The following TRPV2 variants were observed in gnomAD, a reference collection of about 807,000 sequenced individuals.
TRPV2 encodes OTRPC2.
A neutral mutation model predicts 91.0 loss-of-function variants in TRPV2; 58 were observed. The observed-to-expected ratio is 0.64, with a 90% confidence interval of 0.52 to 0.79. TRPV2 has a LOEUF of 0.79. TRPV2 is among the 30% of genes least tolerant of loss of function. TRPV2 has a pLI of 0.00. For missense variants in TRPV2, 807 were observed against 969.6 expected, an observed-to-expected ratio of 0.83 and a Z score of 2.23; for synonymous variants, 417 against 414.8, an observed-to-expected ratio of 1.01 and a Z score of -0.06.
At chr17:16,419,780 T>C (rs1385098783) in intron 2 of TRPV2, among the ~76,000 whole-genome samples, 4 of 152,192 alleles carry the variant, frequency 2.6e-5, no homozygotes, top group Admixed American at 2.0e-4. Context: ...TGGTGTGTGC[T>C]GAAGGGGACC....
At chr17:16,432,548 C>T (rs1297601176) in intron 12 of TRPV2, among the ~76,000 whole-genome samples, 1 of 151,636 alleles carries the variant, frequency 6.6e-6, no homozygotes. Context: ...TCAAGTGATC[C>T]TCCTTCCTCA....
chr17:16,426,341 T>C lies in TRPV2; in HGVS notation c.1095+72T>C. The C allele has an allele frequency of 6.4e-7, 1 of 1,559,082 alleles. No individual in the cohort carries two copies. The highest frequency in any genetic ancestry group is 1.2e-5 in the South Asian group (1 of 85,916). On this transcript the variant is annotated intron_variant, in intron 6 of 14. Transcript: ENST00000338560. The surrounding 1 kb of genome is among the most constrained non-coding windows in gnomAD (Gnocchi z 6.0). ...TCCAGCAAGGTCCACAAATTGGGGCTGCCTGCTGGACCATATCTGCCCCAT... is the reference window on the plus strand; with the variant it reads ...TCCAGCAAGGTCCACAAATTGGGGCCGCCTGCTGGACCATATCTGCCCCAT...
At chr17:16,433,527 C>T (rs1396201228) in intron 12 of TRPV2, 47 bp from the exon 13 acceptor site, 2 of 1,603,450 alleles carry the variant, frequency 1.2e-6, no homozygotes, top group African/African-American at 1.3e-5. Context: ...CCTTTGCCCC[C>T]AGGCAGGGTC....
In TRPV2 at chr17:16,436,909, G is replaced by C; in HGVS notation, c.*20G>C. The C allele has an allele frequency of 6.3e-7, 1 of 1,596,146 alleles. No individual in the cohort carries two copies. Among genetic ancestry groups the C allele is most frequent in the Non-Finnish European group, 8.6e-7 (1 of 1,163,604 alleles). On this transcript the variant is annotated 3_prime_UTR_variant, in exon 15 of 15. Coordinates refer to ENST00000338560, the MANE Select transcript of TRPV2 (RefSeq NM_016113.5). The stretch of plus-strand genomic sequence containing the variant: ...AACTGATGGCCCAGATGCAGCAGGA[G>C]GCCAGAGGACAGAGCAGAGGATCTT...
At chr17:16,422,322 C>CAAAAAAAAAA (rs5819570) in intron 3 of TRPV2, among the ~76,000 whole-genome samples, 3 of 92,742 alleles carry the variant, frequency 3.2e-5, no homozygotes, top group Admixed American at 1.2e-4. Context: ...GACTCTGTCT[C>CAAAAAAAAAA]AAAAAAAAAA....
At chr17:16,422,910 T>C in intron 4 of TRPV2, 21 bp downstream of exon 4, 1 of 1,550,476 alleles carries the variant, frequency 6.4e-7, no homozygotes, top group East Asian at 2.4e-5. Context: ...CTTTCTTGGA[T>C]AAATCGAGGC....
Position 16,422,724 on chromosome 17 carries a change from GC to G in TRPV2, c.463del (p.Gln155SerfsTer25). The G allele has an allele frequency of 6.2e-7, 1 of 1,601,482 alleles. No individual in the cohort carries two copies. The highest frequency in any genetic ancestry group is 8.5e-7 in the Non-Finnish European group (1 of 1,173,380). ...TGGCAATCCTCAGCCCCTGGTAAAT[GC>G]CCAGTGCACAGATGACTATTACCGA... ...DSGNPQPLVN[A>X]QCTDDYYRGH... On this transcript the variant is annotated frameshift_variant, in exon 4 of 15. Coordinates refer to ENST00000338560, the MANE Select transcript of TRPV2 (RefSeq NM_016113.5). LOFTEE classifies it high-confidence loss of function.
intron 2 of TRPV2, among the ~76,000 whole-genome samples, chr17:16,419,894 G>T (rs1436935301): frequency 6.6e-6 from 1 of 152,224 alleles, no homozygotes; most frequent in African/African-American, 2.4e-5. Flanking sequence ...TCATGGGGAT[G>T]AAGCAGCTTA....
chr17:16,431,947 C>G lies in TRPV2; in HGVS notation c.1655-19C>G. On this transcript the variant is annotated intron_variant, in intron 11 of 14. Transcript: ENST00000338560. ...CACCGGTCTCCTGGGCTAAGGACCC[C>G]TCTCCCTTCATCCCATAGCCCTGGT... 5 of 1,609,884 alleles carry G rather than the reference C, an allele frequency of 3.1e-6. No individual in the cohort carries two copies. Among genetic ancestry groups the G allele is most frequent in the Non-Finnish European group, 4.2e-6 (5 of 1,177,468 alleles).
Position 16,436,825 on chromosome 17 carries a change from A to G in TRPV2, c.2231A>G (p.Lys744Arg). 1.2e-6 allele frequency: 2 copies of G among 1,614,048 alleles called. No individual in the cohort carries two copies. Among genetic ancestry groups the G allele is most frequent in the Non-Finnish European group, 1.7e-6 (2 of 1,179,958 alleles). The change falls in exon 15 of 15, where the codon AAG (lysine) becomes AGG (arginine). Residue 744 changes from lysine to arginine, a missense_variant. Physicochemically the swap from Lys to Arg is conservative, Grantham distance 26. Coordinates refer to ENST00000338560, the MANE Select transcript of TRPV2 (RefSeq NM_016113.5). ...LENPVLASPP[K>R]EDEDGASEEN... ...AACCCTGTCCTGGCTTCCCCTCCCA[A>G]GGAGGATGAGGATGGTGCCTCTGAG...
intron 7 of TRPV2, 65 bp from the exon 8 acceptor site, chr17:16,427,384 C>T: frequency 1.3e-6 from 2 of 1,506,826 alleles, no homozygotes; most frequent in Non-Finnish European, 1.8e-6. Context: ...TCAGCTTCAG[C>T]TCTGAAGGGT....
chr17:16,429,861 G>A (rs575301643), intron 10 of TRPV2, among the ~76,000 whole-genome samples: 16 of 151,172 alleles, frequency 1.1e-4, no homozygotes, highest in Admixed American at 2.6e-4. Context: ...CACCTAACAT[G>A]GAACTTTTTT....
In TRPV2 at chr17:16,433,620, GGAA is replaced by G; in HGVS notation, c.2041_2043del (p.Lys681del). On this transcript the variant is annotated inframe_deletion, in exon 13 of 15. Transcript: ENST00000338560. ...ATGGAGAATGGCTATTGGTGGTGCAGGAAGAAGCAGCGGGCAGGTGTGATGCTG... is the reference window on the plus strand; with the variant it reads ...ATGGAGAATGGCTATTGGTGGTGCAGGAAGCAGCGGGCAGGTGTGATGCTG... The G allele has an allele frequency of 6.2e-7, 1 of 1,614,194 alleles. No individual in the cohort carries two copies. Among genetic ancestry groups the G allele is most frequent in the Non-Finnish European group, 8.5e-7 (1 of 1,180,038 alleles).
Position 16,417,698 on chromosome 17 carries a change from C to T in TRPV2, c.30C>T (p.Phe10=). 6.2e-7 allele frequency: 1 copy of T among 1,614,184 alleles called. No homozygotes were observed. Among genetic ancestry groups the T allele is most frequent in the Non-Finnish European group, 8.5e-7 (1 of 1,180,026 alleles). ...CCTCACCCTCCAGCTCTCCAGTTTT[C>T]AGGTTGGAGACATTAGATGGAGGCC... MTSPSSSPV[F]RLETLDGGQE... The change falls in exon 2 of 15, where the codon TTC becomes TTT. Residue 10 remains phenylalanine, a synonymous_variant. Transcript: ENST00000338560.
intron 3 of TRPV2, 21 bp downstream of exon 3, chr17:16,420,269 C>T (rs1417579073): frequency 6.3e-7 from 1 of 1,595,608 alleles, no homozygotes; most frequent in Admixed American, 1.7e-5. Context: ...CCCTGTGGAT[C>T]CAAGGCTAGG....
chr17:16,433,779 T>C, intron 13 of TRPV2, 81 bp downstream of exon 13: 2 of 1,556,392 alleles, frequency 1.3e-6, no homozygotes, highest in Non-Finnish European at 1.7e-6. Flanking sequence ...AGGGCACAGC[T>C]GCCAGGAGCC....
At chr17:16,434,372 G>T (rs777135530) in intron 13 of TRPV2, among the ~76,000 whole-genome samples, 2 of 150,736 alleles carry the variant, frequency 1.3e-5, no homozygotes, top group Non-Finnish European at 2.9e-5. Context: ...GGAGGCCGAC[G>T]CAGGAGAATG....
In TRPV2 at chr17:16,417,582, GACGC is replaced by G; in HGVS notation, c.-86_-83del. Reference sequence around the variant, plus strand: ...TGCAGGCTCCAGTCAGGCCAACACCGACGCGCAGCTGGGAGGAAGACAGGACCCT... The same window carrying G: ...TGCAGGCTCCAGTCAGGCCAACACCGGCAGCTGGGAGGAAGACAGGACCCT... On this transcript the variant is annotated 5_prime_UTR_variant, in exon 2 of 15. Transcript: ENST00000338560. 6.9e-7 allele frequency: 1 copy of G among 1,448,888 alleles called. No individual in the cohort carries two copies. 89.8% of individuals were successfully genotyped at this position (1,448,888 alleles called of 1,614,324 possible).
intron 2 of TRPV2, among the ~76,000 whole-genome samples, chr17:16,419,054 C>T (rs556583035): frequency 1.3e-5 from 2 of 151,914 alleles, no homozygotes; most frequent in Admixed American, 6.6e-5. Flanking sequence ...AGTGACGGAT[C>T]CCAACAATCA....
Sources: allele counts gnomAD v4.1 joint callset (sites outside exome capture counted in the v4.1 genomes callset), GRCh38; gene constraint gnomAD v4.1.1; non-coding constraint Gnocchi (gnomAD v3.1); transcripts MANE v1.5; gene names NCBI Gene and HGNC (gene_info 2026-07-23, HGNC 2026-07-21).